The following PEX1 variants were observed in gnomAD, a reference collection of about 807,000 sequenced individuals.
PEX1 encodes the protein peroxisomal ATPase PEX1.
A neutral mutation model predicts 152.5 loss-of-function variants in PEX1; 97 were observed. That is an observed-to-expected ratio of 0.64 (90% confidence interval 0.54 to 0.75). The LOEUF is 0.75. Ranked by LOEUF, PEX1 falls within the 30% of genes least tolerant of loss-of-function variation. The pLI, the probability that PEX1 is intolerant of heterozygous loss-of-function variation, is 0.00. For synonymous variants in PEX1, 485 were observed against 531.6 expected, an observed-to-expected ratio of 0.91 and a Z score of 1.21; for missense variants, 1,357 against 1,516.3, an observed-to-expected ratio of 0.89 and a Z score of 1.74.
At chr7:92,524,102 T>C (rs78686788) in intron 1 of PEX1, among the ~76,000 whole-genome samples, 1 of 151,976 alleles carries the variant, frequency 6.6e-6, no homozygotes, top group Non-Finnish European at 1.5e-5. Flanking sequence ...ATTTTTTTTT[T>C]CCTGAGACAG....
chr7:92,491,636 C>G (rs1791330509), intron 20 of PEX1, 134 bp from the exon 21 acceptor site: 13 of 644,122 alleles, frequency 2.0e-5, no homozygotes, highest in Non-Finnish European at 3.0e-5. Flanking sequence ...CTCATTAATT[C>G]TCTAACGGTT....
chr7:92,489,060 A>C (rs544545771), intron 23 of PEX1, among the ~76,000 whole-genome samples: 1 of 152,372 alleles, frequency 6.6e-6, no homozygotes, highest in East Asian at 1.9e-4. Flanking sequence ...AAATGAGTCC[A>C]TTATGAATAA....
intron 8 of PEX1, 62 bp from the exon 9 acceptor site, chr7:92,509,473 G>A (rs1287133115): frequency 8.9e-6 from 11 of 1,229,842 alleles, no homozygotes; most frequent in African/African-American, 4.5e-5. Context: ...TGTTTTTCTC[G>A]GGTCCCAGAA....
chr7:92,514,647 A>G (rs1253840544), intron 5 of PEX1, among the ~76,000 whole-genome samples: 3 of 152,180 alleles, frequency 2.0e-5, no homozygotes, highest in Admixed American at 6.5e-5. Flanking sequence ...TTAATCTAAA[A>G]AGCAGAGTAA....
At chr7:92,514,436 T>A (rs1438393625) in intron 5 of PEX1, among the ~76,000 whole-genome samples, 1 of 152,260 alleles carries the variant, frequency 6.6e-6, no homozygotes, top group Admixed American at 6.5e-5. Flanking sequence ...ATTAGAGCTT[T>A]AAATGTATGT....
At chr7:92,501,224 T>C (rs1791907336) in intron 15 of PEX1, among the ~76,000 whole-genome samples, 1 of 152,164 alleles carries the variant, frequency 6.6e-6, no homozygotes, top group Non-Finnish European at 1.5e-5. Flanking sequence ...CTGGGGAGGC[T>C]GAGGCAGGAG....
intron 21 of PEX1, chr7:92,490,238 G>A: frequency 3.2e-6 from 1 of 313,252 alleles, no homozygotes; most frequent in Non-Finnish European, 6.0e-6. Flanking sequence ...TAAGTTTCTG[G>A]GACATTTCTA....
In PEX1 at chr7:92,528,450, G is replaced by C. The variant is rs1221743795; in HGVS notation, c.-15C>G. The C allele has an allele frequency of 1.3e-6, 2 of 1,573,424 alleles. No individual in the cohort carries two copies. The highest frequency in any genetic ancestry group is 8.6e-7 in the Non-Finnish European group (1 of 1,161,820). On this transcript the variant is annotated 5_prime_UTR_variant, in exon 1 of 24. Coordinates refer to ENST00000248633, the MANE Select transcript of PEX1 (RefSeq NM_000466.3). ...CTGCCCCACATCGTCCCGGAGCGTC[G>C]CTCTGGGTTCGCCCACCCTAGCGCC... is the stretch of plus-strand genomic sequence containing the variant.
chr7:92,504,652 A>C, intron 12 of PEX1, 80 bp downstream of exon 12: 4 of 1,336,008 alleles, frequency 3.0e-6, no homozygotes, highest in Non-Finnish European at 2.1e-6. Context: ...TATTCTCTGA[A>C]GAGAGTAGAT....
chr7:92,491,081 G>A (rs946695104), intron 21 of PEX1, among the ~76,000 whole-genome samples, 191 bp downstream of exon 21: 2 of 152,136 alleles, frequency 1.3e-5, no homozygotes, highest in East Asian at 3.8e-4. Context: ...CTTGCTCCCA[G>A]CCCTGTCTTG....
chr7:92,505,128 A>G (rs1385981426), intron 11 of PEX1, among the ~76,000 whole-genome samples: 1 of 152,144 alleles, frequency 6.6e-6, no homozygotes, highest in East Asian at 1.9e-4. Flanking sequence ...TCAGAAAAGG[A>G]GGCCAGGTGC....
Position 92,499,769 on chromosome 7 carries a change from T to C in PEX1, c.2653A>G (p.Thr885Ala), listed in dbSNP as rs767185179. 4 of 1,613,336 alleles carry C rather than the reference T, an allele frequency of 2.5e-6. No individual in the cohort carries two copies. The highest frequency in any genetic ancestry group is 3.4e-6 in the Non-Finnish European group (4 of 1,179,292). Residue 885 changes from threonine (T) to alanine (A), a missense_variant, in exon 16 of 24, where the codon ACA becomes GCA. Thr to Ala is a moderately conservative substitution (Grantham distance 58). Coordinates refer to ENST00000248633, the MANE Select transcript of PEX1 (RefSeq NM_000466.3). ...ACCCCAGCTAGTAAGGTTTTTCCTG[T>C]TCCAGGCGGACCATACAACAGTATT... ...TGILLYGPPG[T>A]GKTLLAGVIA...
intron 8 of PEX1, 52 bp from the exon 9 acceptor site, chr7:92,509,463 T>A (rs1199331383): frequency 9.6e-6 from 13 of 1,351,006 alleles, no homozygotes; most frequent in Non-Finnish European, 1.4e-5. Flanking sequence ...GTCTTTTGCA[T>A]GTTTTTCTCG....
Position 92,509,368 on chromosome 7 carries a change from A to G in PEX1, c.1631T>C (p.Ile544Thr), listed in dbSNP as rs1792347026. 1.2e-6 allele frequency: 2 copies of G among 1,613,158 alleles called. No individual in the cohort carries two copies. Among genetic ancestry groups the G allele is most frequent in the Non-Finnish European group, 8.5e-7 (1 of 1,179,458 alleles). ...CTTTAAAAAAGGAAGAATAAAGTCA[A>G]TTTCCTCACTGTTTTCTTCTTTTAC... ...PMVKEENSEE[I>T]DFILPFLKLS... Residue 544 changes from isoleucine (I) to threonine (T), a missense_variant, in exon 9 of 24, where the codon ATT becomes ACT. Ile to Thr is a moderately conservative substitution (Grantham distance 89). Coordinates refer to ENST00000248633, the MANE Select transcript of PEX1 (RefSeq NM_000466.3).
intron 5 of PEX1, among the ~76,000 whole-genome samples, chr7:92,516,479 T>G (rs1289601352): frequency 6.6e-6 from 1 of 152,070 alleles, no homozygotes; most frequent in Non-Finnish European, 1.5e-5. Context: ...GATTAATGCT[T>G]TGTCAGTTAT....
chr7:92,493,902 G>A (rs1024490081), intron 19 of PEX1: 1 of 253,242 alleles, frequency 3.9e-6, no homozygotes, highest in African/African-American at 2.3e-5. Flanking sequence ...ACAAGGAAGA[G>A]TTGAAAAATT....
At chr7:92,504,933 T>C in intron 11 of PEX1, 31 bp from the exon 12 acceptor site, 1 of 1,540,640 alleles carries the variant, frequency 6.5e-7, no homozygotes, top group Non-Finnish European at 9.0e-7. Flanking sequence ...ATGGTTTCAG[T>C]ATCATTTCAG....
Position 92,499,698 on chromosome 7 carries a change from A to G in PEX1, c.2718+6T>C, listed in dbSNP as rs780456804. 1.2e-6 allele frequency: 2 copies of G among 1,607,836 alleles called. No homozygotes were observed. Among genetic ancestry groups the G allele is most frequent in the Non-Finnish European group, 1.7e-6 (2 of 1,174,454 alleles). On this transcript the variant is annotated splice_donor_region_variant and intron_variant, in intron 16 of 23. Coordinates refer to ENST00000248633, the MANE Select transcript of PEX1 (RefSeq NM_000466.3). The stretch of plus-strand genomic sequence containing the variant: ...AATAAAAAAAGAAGATAAGTAGACA[A>G]CATACCTTGACACTTATAAAATTCA...
At chr7:92,523,893 A>C (rs1203816153) in intron 1 of PEX1, among the ~76,000 whole-genome samples, 1 of 152,086 alleles carries the variant, frequency 6.6e-6, no homozygotes, top group Non-Finnish European at 1.5e-5. Flanking sequence ...ATATCAAAAT[A>C]AATTCATTAA....
Sources: gnomAD v4.1 joint callset for allele counts (sites outside exome capture counted in the v4.1 genomes callset) on GRCh38, gnomAD v4.1.1 for gene constraint, MANE v1.5 for transcripts, NCBI Gene and HGNC (gene_info 2026-07-23, HGNC 2026-07-21) for gene names.